The following UBE4A variants were observed in gnomAD, a reference collection of about 807,000 sequenced individuals.
UBE4A encodes ubiquitination factor E4A.
In UBE4A, 48 loss-of-function variants were observed where a neutral mutation model predicts 117.9. The ratio of observed to expected loss-of-function variants is 0.41; its 90% CI spans 0.32 to 0.52. The LOEUF (loss-of-function observed/expected upper bound fraction) is 0.52. Among genes scored for constraint, UBE4A ranks in the 20% least tolerant of loss-of-function variants. UBE4A has a pLI of 0.33. For missense variants in UBE4A, 1,067 were observed against 1,296.3 expected, an observed-to-expected ratio of 0.82 and a Z score of 2.72; for synonymous variants, 407 against 450.0, an observed-to-expected ratio of 0.90 and a Z score of 1.21.
At chr11:118,376,761 A>C in intron 10 of UBE4A, 67 bp downstream of exon 10, 1 of 1,568,552 alleles carries the variant, frequency 6.4e-7, no homozygotes. Context: ...GTAGAAATTG[A>C]GTCTTTGGCC....
intron 19 of UBE4A, among the ~76,000 whole-genome samples, chr11:118,395,070 G>A (rs568531434): frequency 6.6e-6 from 1 of 152,318 alleles, no homozygotes; most frequent in Non-Finnish European, 1.5e-5. Context: ...GCTTACGCCT[G>A]TAATCCCAGC....
At position 118,374,968 on chromosome 11, in the gene UBE4A, C is replaced by T. The variant is rs782250143; in HGVS notation, c.1189C>T (p.His397Tyr). 1.3e-6 allele frequency: 2 copies of T among 1,598,778 alleles called. No individual in the cohort carries two copies. Among genetic ancestry groups the T allele is most frequent in the Admixed American group, 1.7e-5 (1 of 59,088 alleles). Reference protein sequence around the residue: ...NLLQLSPETKHCILSWLGNCL... With the variant: ...NLLQLSPETKYCILSWLGNCL... ...ACTCCAGCTCTCTCCAGAAACCAAA[C>T]ACTGTATCTTGTCCTGGCTTGGAAA... The change falls in exon 9 of 20, where the codon CAC (histidine) becomes TAC (tyrosine). Residue 397 changes from histidine to tyrosine, a missense_variant. Physicochemically the swap from His to Tyr is moderately conservative, Grantham distance 83. This residue lies in a region of UBE4A where 1,001 missense variants were observed against 1,184.0 expected (regional missense o/e 0.85). Transcript: ENST00000252108.
intron 18 of UBE4A, among the ~76,000 whole-genome samples, chr11:118,391,611 G>A (rs978811239): frequency 8.6e-5 from 13 of 151,524 alleles, no homozygotes; most frequent in Non-Finnish European, 1.5e-4. Flanking sequence ...TGGCTAACAC[G>A]GTGAAACCCC....
chr11:118,384,645 T>C lies in UBE4A; in HGVS notation c.2208T>C (p.His736=). The C allele has an allele frequency of 6.2e-7, 1 of 1,614,036 alleles. No individual in the cohort carries two copies. The highest frequency in any genetic ancestry group is 2.2e-5 in the East Asian group (1 of 44,882). ...FVDIEFTGDP[H]QFEQKFNYRR... ...CTTGCCTTACTCCAGGAGACCCCCA[T>C]CAATTTGAACAGAAGTTTAATTACC... The change falls in exon 14 of 20, where the codon CAT becomes CAC. Residue 736 remains histidine, a synonymous_variant. Coordinates refer to ENST00000252108, the MANE Select transcript of UBE4A (RefSeq NM_001204077.2).
intron 2 of UBE4A, among the ~76,000 whole-genome samples, chr11:118,366,585 C>T (rs984148502): frequency 1.3e-5 from 2 of 152,206 alleles, no homozygotes; most frequent in African/African-American, 4.8e-5. Flanking sequence ...AACCTGTTTC[C>T]ACTAGCAATT....
chr11:118,383,818 G>T (rs1320606022), intron 13 of UBE4A, among the ~76,000 whole-genome samples: 3 of 151,894 alleles, frequency 2.0e-5, no homozygotes, highest in South Asian at 2.1e-4. Flanking sequence ...TTGGATTCTG[G>T]TTTTTTTTAA....
intron 9 of UBE4A, 23 bp downstream of exon 9, chr11:118,375,252 A>C (rs1555125198): frequency 7.1e-6 from 11 of 1,545,684 alleles, no homozygotes; most frequent in South Asian, 1.2e-5. Context: ...CAGGCTTCTC[A>C]AAACTGTGTG....
In UBE4A at chr11:118,396,547, CTTTTT is replaced by C; in HGVS notation, c.*121_*125del. ...TCCTTTTCTTTCTTCTTTTCTTTTT[CTTTTT>C]TTTTTTTTTTTTTACTAAATTAGAG... On this transcript the variant is annotated 3_prime_UTR_variant, in exon 20 of 20. Coordinates refer to ENST00000252108, the MANE Select transcript of UBE4A (RefSeq NM_001204077.2). 170 of 816,758 alleles carry C rather than the reference CTTTTT, an allele frequency of 2.1e-4. No homozygotes were observed. The highest frequency in any genetic ancestry group is 3.9e-4 in the Middle Eastern group (1 of 2,574). 50.6% of individuals were successfully genotyped at this position (816,758 alleles called of 1,614,324 possible).
At position 118,368,726 on chromosome 11, in the gene UBE4A, C is replaced by T; in HGVS notation, c.217C>T (p.Arg73Ter). ...TGTGGCTGAGATTAGCCGCTCATTCCGATCACAGCAGGAAATATGTGAGCA... is the reference window on the plus strand; with the variant it reads ...TGTGGCTGAGATTAGCCGCTCATTCTGATCACAGCAGGAAATATGTGAGCA... ...YSVAEISRSF[R>*]SQQEICEQLN... Residue 73 changes from arginine to a stop codon, truncating the protein, a stop_gained, in exon 3 of 20, where the codon CGA becomes TGA. Transcript: ENST00000252108. LOFTEE classifies it high-confidence loss of function. 4.3e-6 allele frequency: 7 copies of T among 1,614,162 alleles called. No individual in the cohort carries two copies. The highest frequency in any genetic ancestry group is 5.9e-6 in the Non-Finnish European group (7 of 1,180,032).
chr11:118,390,536 T>C, intron 17 of UBE4A, 121 bp from the exon 18 acceptor site: 1 of 434,792 alleles, frequency 2.3e-6, no homozygotes, highest in Non-Finnish European at 3.7e-6. Flanking sequence ...TAAGTCTTTC[T>C]ATATCAAAAG....
intron 12 of UBE4A, 73 bp downstream of exon 12, chr11:118,381,596 T>C (rs1359940677): frequency 2.6e-6 from 4 of 1,561,174 alleles, no homozygotes; most frequent in Non-Finnish European, 3.5e-6. Flanking sequence ...AACCAAGAAA[T>C]AAACAAGCCT....
chr11:118,374,830 A>G, intron 8 of UBE4A, 66 bp from the exon 9 acceptor site: 2 of 1,393,474 alleles, frequency 1.4e-6, no homozygotes, highest in Non-Finnish European at 1.9e-6. Flanking sequence ...GCCAGTTGCT[A>G]AGGTTTGGGA....
Position 118,396,659 on chromosome 11 carries a change from T to C in UBE4A, c.*219T>C, listed in dbSNP as rs1350327826. On this transcript the variant is annotated 3_prime_UTR_variant, in exon 20 of 20. Coordinates refer to ENST00000252108, the MANE Select transcript of UBE4A (RefSeq NM_001204077.2). ...CCTGGCTTGCAGGAAATTATACTTATTATAGCATCACCAAGTTTAGAAATC... is the reference window on the plus strand; with the variant it reads ...CCTGGCTTGCAGGAAATTATACTTACTATAGCATCACCAAGTTTAGAAATC... 5 of 390,220 alleles carry C rather than the reference T, an allele frequency of 1.3e-5. No individual in the cohort carries two copies. The highest frequency in any genetic ancestry group is 6.1e-5 in the East Asian group (1 of 16,470). 24.2% of individuals were successfully genotyped at this position (390,220 alleles called of 1,614,324 possible).
rs1210846340 is a variant in UBE4A at position 118,398,581 on chromosome 11, A to G, written c.*2141A>G. On this transcript the variant is annotated 3_prime_UTR_variant, in exon 20 of 20. Coordinates refer to ENST00000252108, the MANE Select transcript of UBE4A (RefSeq NM_001204077.2). ...AACACCGTGTGTATATACACTTGGA[A>G]GCTTAAAAAGGTGTTTTGTCTGGAA... 6.5e-6 allele frequency: 1 copy of G among 152,746 alleles called. No individual in the cohort carries two copies. The highest frequency in any genetic ancestry group is 1.5e-5 in the Non-Finnish European group (1 of 68,198). The allele number at this position is 152,746 out of a possible 1,614,324, so 9.5% of individuals were successfully genotyped here.
chr11:118,373,332 A>G, intron 7 of UBE4A, 44 bp downstream of exon 7: 1 of 1,595,278 alleles, frequency 6.3e-7, no homozygotes, highest in South Asian at 1.1e-5. Context: ...CTAGATGTGT[A>G]ATACATGATG....
At chr11:118,374,106 T>G (rs1441175847) in intron 8 of UBE4A, among the ~76,000 whole-genome samples, 1 of 151,154 alleles carries the variant, frequency 6.6e-6, no homozygotes, top group Non-Finnish European at 1.5e-5. Context: ...AGAAGAAGAC[T>G]CTGTCTCAAA....
chr11:118,366,162 T>C (rs967566934), intron 2 of UBE4A, among the ~76,000 whole-genome samples: 2 of 152,004 alleles, frequency 1.3e-5, no homozygotes, highest in Non-Finnish European at 2.9e-5. Flanking sequence ...AAGTGATTGA[T>C]GCAAGGGAAA....
chr11:118,394,332 T>G (rs1948848496), intron 19 of UBE4A, among the ~76,000 whole-genome samples: 1 of 152,166 alleles, frequency 6.6e-6, no homozygotes. Flanking sequence ...TTATTTATTT[T>G]TGTATTTTTT....
At chr11:118,395,746 T>A (rs1948865130) in intron 19 of UBE4A, among the ~76,000 whole-genome samples, 1 of 152,210 alleles carries the variant, frequency 6.6e-6, no homozygotes. Context: ...TGTAATTAAA[T>A]ATCATCTGAA....
Sources: gnomAD v4.1 joint callset for allele counts (sites outside exome capture counted in the v4.1 genomes callset) on GRCh38, gnomAD v4.1.1 for gene constraint, gnomAD v4.1.1 regional missense constraint, MANE v1.5 for transcripts, NCBI Gene and HGNC (gene_info 2026-07-23, HGNC 2026-07-21) for gene names.